Variants in CNN2 observed in about 807,000 individuals in gnomAD.
CNN2 encodes calponin 2.
Under a neutral mutation model 31.0 loss-of-function variants are expected in CNN2, and 21 were observed. The observed-to-expected ratio is 0.68, with a 90% CI of 0.48 to 0.98. The LOEUF (loss-of-function observed/expected upper bound fraction) is 0.98, where lower values mean the gene tolerates loss of function less well. CNN2 is among the 50% of genes least tolerant of loss of function. The pLI is 0.00. For missense variants in CNN2, 399 were observed against 427.3 expected, an observed-to-expected ratio of 0.93 and a Z score of 0.58; for synonymous variants, 165 against 179.6, an observed-to-expected ratio of 0.92 and a Z score of 0.65.
Position 1,037,682 on chromosome 19 carries a change from G to C in CNN2, c.712G>C (p.Asp238His), listed in dbSNP as rs200699249. ...CATCTATGATACCAAGCTGGGAACC[G>C]ACAAGTGTGACAACTCCTCCATGTC... ...RHIYDTKLGT[D>H]KCDNSSMSLQ... The change falls in exon 7 of 7, where the codon GAC becomes CAC. Residue 238 changes from aspartate to histidine, a missense_variant. Coordinates refer to ENST00000263097, the MANE Select transcript of CNN2 (RefSeq NM_004368.4). 6 of 1,569,494 alleles carry C rather than the reference G, an allele frequency of 3.8e-6. No homozygotes were observed. The African/African-American group carries it at 7.4e-5, about 19-fold the overall frequency.
At chr19:1,030,364 C>A (rs1228650618) in intron 1 of CNN2, among the ~76,000 whole-genome samples, 1 of 152,174 alleles carries the variant, frequency 6.6e-6, no homozygotes, top group African/African-American at 2.4e-5. Context: ...CGGTGGCTCA[C>A]ACCTGTAATC....
chr19:1,032,979 A>G (rs2039524528), intron 4 of CNN2: 2 of 346,316 alleles, frequency 5.8e-6, no homozygotes, highest in Non-Finnish European at 5.6e-6. Context: ...GGGTTTCACC[A>G]TGCTGGCCAG....
At chr19:1,036,062 C>T in intron 4 of CNN2, 68 bp from the exon 5 acceptor site, 2 of 1,507,930 alleles carry the variant, frequency 1.3e-6, no homozygotes, top group Non-Finnish European at 1.8e-6. Context: ...CTGTCCCGCC[C>T]CCAGGGCCTA....
At position 1,029,049 on chromosome 19, in the gene CNN2, C is replaced by G. The variant is rs532668539; in HGVS notation, c.64-2022C>G. ...CCCAAATAATCCCAGGCAGGTCCAG[C>G]TCAGGGGACCCTAACCCAAATCATC... On this transcript the variant is annotated intron_variant, in intron 1 of 6. Transcript: ENST00000263097. Among the ~76,000 whole-genome samples the G allele has an allele frequency of 1.9e-3, 268 of 143,890 alleles. 1 individual carries two copies. Among genetic ancestry groups the G allele is most frequent in the African/African-American group, 6.4e-3 (252 of 39,488 alleles). 94.4% of individuals were successfully genotyped at this position (143,890 alleles called of 152,430 possible).
chr19:1,036,721 C>T (rs755774221), intron 6 of CNN2, 159 bp downstream of exon 6: 1 of 851,908 alleles, frequency 1.2e-6, no homozygotes, highest in Non-Finnish European at 1.9e-6. Context: ...CTGTCTCCGC[C>T]TTGGATTTCA....
At chr19:1,037,423 C>G in intron 6 of CNN2, 1 of 622,936 alleles carries the variant, frequency 1.6e-6, no homozygotes, top group Non-Finnish European at 2.8e-6. Flanking sequence ...CAGGCATGTG[C>G]CACCACGCCC....
intron 1 of CNN2, among the ~76,000 whole-genome samples, chr19:1,030,679 C>T (rs966878564): frequency 6.6e-6 from 1 of 152,078 alleles, no homozygotes; most frequent in Non-Finnish European, 1.5e-5. Flanking sequence ...TGCAGACGTA[C>T]GAAATGCTGT....
intron 5 of CNN2, 79 bp downstream of exon 5, chr19:1,036,325 A>G (rs2039583595): frequency 6.4e-7 from 1 of 1,573,702 alleles, no homozygotes; most frequent in Admixed American, 1.7e-5. Flanking sequence ...ATTGGGGGAC[A>G]GCGGCATGGA....
At position 1,031,115 on chromosome 19, in the gene CNN2, C is replaced by G. The variant is rs540671334; in HGVS notation, c.108C>G (p.Thr36=). ...YDPQKEAELR[T]WIEGLTGLSI... is the part of the protein sequence containing the mutation. Reference sequence around the variant, plus strand: ...CCCAGAAGGAGGCAGAGCTCCGCACCTGGATCGAGGGACTCACCGGCCTCT... The same window carrying G: ...CCCAGAAGGAGGCAGAGCTCCGCACGTGGATCGAGGGACTCACCGGCCTCT... The change falls in exon 2 of 7, where the codon ACC becomes ACG. Residue 36 remains threonine, a synonymous_variant. Transcript: ENST00000263097. The G allele has an allele frequency of 1.9e-6, 3 of 1,613,362 alleles. No individual in the cohort carries two copies. The highest frequency in any genetic ancestry group is 2.2e-5 in the East Asian group (1 of 44,866).
rs376512727 is a variant in CNN2 at position 1,033,519 on chromosome 19, G to C, written c.390+823G>C. ...CTCTCAAAAAATAATCATAACAAAAGTAATAAATAAGCTCTGAACTGGGAG... is the reference window on the plus strand; with the variant it reads ...CTCTCAAAAAATAATCATAACAAAACTAATAAATAAGCTCTGAACTGGGAG... On this transcript the variant is annotated intron_variant, in intron 4 of 6. Coordinates refer to ENST00000263097, the MANE Select transcript of CNN2 (RefSeq NM_004368.4). 5.9e-5 allele frequency among the ~76,000 whole-genome samples: 9 copies of C among 152,338 alleles called. No individual in the cohort carries two copies. The South Asian group carries it at 1.0e-3, about 18-fold the overall frequency.
chr19:1,035,227 G>C (rs900587307), intron 4 of CNN2, among the ~76,000 whole-genome samples: 3 of 127,384 alleles, frequency 2.4e-5, no homozygotes, highest in Non-Finnish European at 5.2e-5. Context: ...CGGGAGCGTG[G>C]GTGGGACACG....
At chr19:1,028,519 T>C (rs2144613952) in intron 1 of CNN2, among the ~76,000 whole-genome samples, 1 of 152,026 alleles carries the variant, frequency 6.6e-6, no homozygotes, top group East Asian at 1.9e-4. Context: ...CGTGGCTCAG[T>C]TGACTCCCGG....
chr19:1,030,773 G>T (rs1325927037), intron 1 of CNN2, among the ~76,000 whole-genome samples: 1 of 152,206 alleles, frequency 6.6e-6, no homozygotes, highest in African/African-American at 2.4e-5. Context: ...CGGGGAGGCA[G>T]ATCCGGCCAG....
chr19:1,036,024 G>T (rs2039576442), intron 4 of CNN2, 106 bp from the exon 5 acceptor site: 2 of 1,449,510 alleles, frequency 1.4e-6, no homozygotes, highest in South Asian at 3.0e-5. Context: ...TGCGCGGCAG[G>T]CAGAGGTGAC....
chr19:1,036,152 G>A lies in CNN2; in HGVS notation c.413G>A (p.Ser138Asn). The change falls in exon 5 of 7, where the codon AGC becomes AAC. Residue 138 changes from serine to asparagine, a missense_variant. Transcript: ENST00000263097. ...AGKAKTKGLQ[S>N]GVDIGVKYSE... Reference sequence around the variant, plus strand: ...CAGGCCAAGACTAAGGGGCTGCAGAGCGGGGTGGACATTGGCGTCAAGTAC... The same window carrying A: ...CAGGCCAAGACTAAGGGGCTGCAGAACGGGGTGGACATTGGCGTCAAGTAC... The A allele has an allele frequency of 6.2e-7, 1 of 1,612,498 alleles. No homozygotes were observed. Among genetic ancestry groups the A allele is most frequent in the Non-Finnish European group, 8.5e-7 (1 of 1,179,212 alleles).
chr19:1,028,728 G>T (rs2039440558), intron 1 of CNN2, among the ~76,000 whole-genome samples: 1 of 152,046 alleles, frequency 6.6e-6, no homozygotes, highest in African/African-American at 2.4e-5. Context: ...GAGGACGGCA[G>T]CGGCTGGGGG....
intron 4 of CNN2, among the ~76,000 whole-genome samples, chr19:1,035,909 C>T (rs1007950572): frequency 1.3e-5 from 2 of 151,976 alleles, no homozygotes; most frequent in Admixed American, 1.3e-4. Context: ...GTGACAGAGC[C>T]AGACTCCATC....
At chr19:1,035,668 A>G (rs1394900415) in intron 4 of CNN2, among the ~76,000 whole-genome samples, 1 of 152,198 alleles carries the variant, frequency 6.6e-6, no homozygotes, top group African/African-American at 2.4e-5. Context: ...CACGCCTGTA[A>G]TCCCAGCACT....
intron 6 of CNN2, chr19:1,037,078 G>A (rs1357940831): frequency 4.7e-6 from 1 of 212,388 alleles, no homozygotes; most frequent in Non-Finnish European, 9.7e-6. Flanking sequence ...GGCTGGTCTC[G>A]AACTCCTGAG....
Sources: gnomAD v4.1 joint callset for allele counts (sites outside exome capture counted in the v4.1 genomes callset) on GRCh38, gnomAD v4.1.1 for gene constraint, MANE v1.5 for transcripts, NCBI Gene and HGNC (gene_info 2026-07-23, HGNC 2026-07-21) for gene names.